The following MYCBP2 variants were observed in gnomAD, a reference collection of about 807,000 sequenced individuals.
MYCBP2 encodes MYC binding protein 2, also known as E3 ubiquitin-protein ligase MYCBP2.
In MYCBP2, 120 loss-of-function variants were observed where a neutral mutation model predicts 525.3. The ratio of observed to expected loss-of-function variants is 0.23; its 90% CI spans 0.20 to 0.27. The LOEUF (loss-of-function observed/expected upper bound fraction) is 0.27, where lower values mean the gene tolerates loss of function less well. Ranked by LOEUF, MYCBP2 falls within the 10% of genes least tolerant of loss-of-function variation. MYCBP2 has a pLI of 1.00. For synonymous variants in MYCBP2, 1,894 were observed against 1,955.8 expected (o/e 0.97, Z 0.83); for missense variants, 4,149 against 5,657.1 (o/e 0.73, Z 8.55).
intron 26 of MYCBP2, among the ~76,000 whole-genome samples, chr13:77,199,406 C>T (rs1386992597): frequency 1.3e-5 from 2 of 152,226 alleles, no homozygotes; most frequent in Non-Finnish European, 2.9e-5. Context: ...CATGGAGTCT[C>T]GCTGATTGCT....
chr13:77,101,516 C>G (rs1415599873), intron 55 of MYCBP2, among the ~76,000 whole-genome samples: 1 of 151,998 alleles, frequency 6.6e-6, no homozygotes, highest in Non-Finnish European at 1.5e-5. Context: ...CCAGGAACAC[C>G]ACTTGTCATA....
rs1329112690 is a variant in MYCBP2, at chr13:77,090,160, A to G, written c.10471T>C (p.Leu3491=). 1 of 1,612,768 alleles carries G rather than the reference A, an allele frequency of 6.2e-7. No homozygotes were observed. Among genetic ancestry groups the G allele is most frequent in the East Asian group, 2.2e-5 (1 of 44,752 alleles). ...ASEYDKQHSI[L]PARVKAIPRR... ...GGAATAGCTTTAACTCGTGCAGGTA[A>G]AATGGAGTGTTGTTTATCATATTCG... The change falls in exon 60 of 83, where the codon TTA becomes CTA. Residue 3491 remains leucine, a synonymous_variant. Transcript: ENST00000544440.
intron 26 of MYCBP2, among the ~76,000 whole-genome samples, chr13:77,203,744 T>G (rs969102595): frequency 2.6e-5 from 4 of 152,058 alleles, no homozygotes; most frequent in African/African-American, 9.7e-5. Context: ...TAATGCCACA[T>G]ATCTACAACT....
Position 77,288,206 on chromosome 13 carries a change from A to G in MYCBP2, c.549T>C (p.Ser183=). The G allele has an allele frequency of 1.2e-6, 2 of 1,614,106 alleles. No individual in the cohort carries two copies. The highest frequency in any genetic ancestry group is 1.1e-5 in the South Asian group (1 of 91,084). ...GCTCTTTGGATTCCTCTTCTTCATC[A>G]CTATCTGATTCTCCACTCTGCACAG... is the stretch of plus-strand genomic sequence containing the variant. ...KNSVQSGESD[S]DEEEESKEPP... is the part of the protein sequence containing the mutation. The change falls in exon 3 of 83, where the codon AGT becomes AGC. Residue 183 remains serine (S), a synonymous_variant. Transcript: ENST00000544440.
Position 77,048,687 on chromosome 13 carries a change from T to C in MYCBP2, c.13921+2310A>G, listed in dbSNP as rs111508032. 5.2e-3 allele frequency among the ~76,000 whole-genome samples: 789 copies of C among 152,236 alleles called. 7 individuals are homozygous for C. Among genetic ancestry groups the C allele is most frequent in the African/African-American group, 0.018 (735 of 41,540 alleles). ...AGGGATAATACCATCTACTCGCAGA[T>C]TGTAAAAATGGAGCAAATATGTGTG... is the stretch of plus-strand genomic sequence containing the variant. On this transcript the variant is annotated intron_variant, in intron 82 of 82. Coordinates refer to ENST00000544440, the MANE Select transcript of MYCBP2 (RefSeq NM_015057.5).
chr13:77,091,241 T>A (rs1166774690), intron 59 of MYCBP2, among the ~76,000 whole-genome samples: 2 of 152,106 alleles, frequency 1.3e-5, no homozygotes, highest in Non-Finnish European at 2.9e-5. Context: ...CATAACTGAT[T>A]GGCAGTAAAT....
chr13:77,076,717 G>T (rs1353728989), intron 68 of MYCBP2, 34 bp downstream of exon 68: 3 of 1,290,574 alleles, frequency 2.3e-6, no homozygotes, highest in Admixed American at 2.0e-5. Flanking sequence ...GAATAAAAAA[G>T]GGAAATAAAT....
At chr13:77,229,674 TAAGAATTACTATTCTTGTTTTTA>T (rs1185026455) in intron 18 of MYCBP2, among the ~76,000 whole-genome samples, 1 of 152,178 alleles carries the variant, frequency 6.6e-6, no homozygotes, top group Non-Finnish European at 1.5e-5. Context: ...CACAATCAGT[TAAGAATTACTATTCTTGTTTTTA>T]AAATAAGAAA....
chr13:77,090,742 C>T (rs2045264163), intron 59 of MYCBP2: 1 of 152,216 alleles, frequency 6.6e-6, no homozygotes, highest in Non-Finnish European at 1.5e-5. Context: ...TTGCCCAAAG[C>T]CCTTGGAGGA....
At chr13:77,161,525 T>C (rs772986924) in intron 44 of MYCBP2, among the ~76,000 whole-genome samples, 1 of 152,224 alleles carries the variant, frequency 6.6e-6, no homozygotes, top group Non-Finnish European at 1.5e-5. Flanking sequence ...CTGCTTCTTA[T>C]AACACAACTA....
intron 2 of MYCBP2, among the ~76,000 whole-genome samples, chr13:77,293,816 C>CA (rs2077744107): frequency 6.6e-6 from 1 of 151,582 alleles, no homozygotes; most frequent in African/African-American, 2.4e-5. Context: ...ACTGGAAAGG[C>CA]AAAAAAACAG....
chr13:77,046,294 T>C (rs1343834618), intron 82 of MYCBP2, among the ~76,000 whole-genome samples: 1 of 152,230 alleles, frequency 6.6e-6, no homozygotes, highest in Non-Finnish European at 1.5e-5. Context: ...GCTAGGCTTA[T>C]ACTTGAAAGC....
intron 17 of MYCBP2, among the ~76,000 whole-genome samples, chr13:77,241,677 C>T (rs1433355904): frequency 3.9e-5 from 6 of 152,024 alleles, no homozygotes; most frequent in African/African-American, 1.4e-4. Flanking sequence ...CAAGCAAAGC[C>T]AAACAATAGT....
At chr13:77,237,376 T>C (rs900454834) in intron 17 of MYCBP2, among the ~76,000 whole-genome samples, 1 of 152,260 alleles carries the variant, frequency 6.6e-6, no homozygotes, top group African/African-American at 2.4e-5. Flanking sequence ...TGATTATATT[T>C]TAATAGAGTA....
intron 13 of MYCBP2, among the ~76,000 whole-genome samples, chr13:77,258,279 T>C (rs1214920210): frequency 6.6e-6 from 1 of 152,206 alleles, no homozygotes; most frequent in Non-Finnish European, 1.5e-5. Context: ...CAAAACAGTA[T>C]TTTTTAATCC....
chr13:77,270,423 C>T lies in MYCBP2; in HGVS notation c.1061G>A (p.Trp354Ter). 6.2e-7 allele frequency: 1 copy of T among 1,613,676 alleles called. No individual in the cohort carries two copies. The highest frequency in any genetic ancestry group is 8.5e-7 in the Non-Finnish European group (1 of 1,179,826). The change falls in exon 6 of 83, where the codon TGG (tryptophan) becomes TAG (stop). Residue 354 changes from tryptophan to a stop codon, truncating the protein, a stop_gained. Coordinates refer to ENST00000544440, the MANE Select transcript of MYCBP2 (RefSeq NM_015057.5). LOFTEE classifies it high-confidence loss of function. ...GIKKAALMHK[W>*]PLKEISVDED... The stretch of plus-strand genomic sequence containing the variant: ...ATCAACAGATATTTCTTTTAATGGC[C>T]ACTTGTGCATTAAAGCTGCTTTCTT...
chr13:77,180,597 A>T (rs773320860), intron 33 of MYCBP2, among the ~76,000 whole-genome samples: 2 of 152,222 alleles, frequency 1.3e-5, no homozygotes, highest in Non-Finnish European at 2.9e-5. Flanking sequence ...TTACAATTCT[A>T]TATGACAGAC....
chr13:77,177,146 T>C (rs1024325206), intron 35 of MYCBP2, among the ~76,000 whole-genome samples: 18 of 140,764 alleles, frequency 1.3e-4, no homozygotes, highest in African/African-American at 4.6e-4. Context: ...AAAATGACAA[T>C]ATAAAAAAAA....
chr13:77,203,431 G>A (rs1253663666), intron 26 of MYCBP2, among the ~76,000 whole-genome samples: 1 of 152,104 alleles, frequency 6.6e-6, no homozygotes, highest in Admixed American at 6.5e-5. Context: ...CCATGCTCAT[G>A]GGTAGGAAGA....
Sources: allele counts gnomAD v4.1 joint callset (sites outside exome capture counted in the v4.1 genomes callset), GRCh38; gene constraint gnomAD v4.1.1; transcripts MANE v1.5; gene names NCBI Gene and HGNC (gene_info 2026-07-23, HGNC 2026-07-21).